Variants in GZF1 observed in about 807,000 individuals in gnomAD.
The protein encoded by GZF1 is GDNF-inducible zinc finger protein 1.
GZF1 carries 28 observed loss-of-function variants against 49.4 expected under a neutral mutation model. The ratio of observed to expected loss-of-function variants is 0.57; its 90% confidence interval spans 0.42 to 0.78. The LOEUF is 0.78. Among genes scored for constraint, GZF1 ranks in the 30% least tolerant of loss-of-function variants. The probability of loss-of-function intolerance (pLI) is 0.00; values close to 1 mark genes in which losing one functional copy is unlikely to be tolerated. For missense variants in GZF1, 798 were observed against 916.2 expected (o/e 0.87, Z 1.67); for synonymous variants, 364 against 356.0 (o/e 1.02, Z -0.25).
rs150596910 is a variant in GZF1 at position 23,364,931 on chromosome 20, A to G, written c.548A>G (p.Tyr183Cys). Residue 183 changes from tyrosine to cysteine, a missense_variant, in exon 2 of 6, where the codon TAC becomes TGC. Transcript: ENST00000338121. ...AGTGGTCTCACGGATTCCTTGGACTACCCAGGAGAGAGAGCCAGCAATGGC... is the reference window on the plus strand; with the variant it reads ...AGTGGTCTCACGGATTCCTTGGACTGCCCAGGAGAGAGAGCCAGCAATGGC... ...HPSGLTDSLDYPGERASNGMS... is the reference protein window; with the variant it reads ...HPSGLTDSLDCPGERASNGMS... 1.9e-6 allele frequency: 3 copies of G among 1,614,210 alleles called. No individual in the cohort carries two copies. Among genetic ancestry groups the G allele is most frequent in the Non-Finnish European group, 2.5e-6 (3 of 1,180,044 alleles).
rs1038828100 is a variant in GZF1 at position 23,371,998 on chromosome 20, A to G, written c.*1557A>G. The G allele has an allele frequency of 2.8e-4, 43 of 152,778 alleles. No individual in the cohort carries two copies. The highest frequency in any genetic ancestry group is 9.4e-4 in the African/African-American group (39 of 41,588). 9.5% of individuals were successfully genotyped at this position (152,778 alleles called of 1,614,324 possible). A position where few individuals can be genotyped will look rare whatever the true frequency, so the allele number is the denominator to read the frequency against. ...CCCTTGGAGGTCACAGTACTAATTTACTTCAAATTTAGTTATGACAGTGTC... is the reference window on the plus strand; with the variant it reads ...CCCTTGGAGGTCACAGTACTAATTTGCTTCAAATTTAGTTATGACAGTGTC... On this transcript the variant is annotated 3_prime_UTR_variant, in exon 6 of 6. Transcript: ENST00000338121.
chr20:23,368,522 C>T (rs760031204), intron 3 of GZF1, among the ~76,000 whole-genome samples: 7 of 152,200 alleles, frequency 4.6e-5, no homozygotes, highest in Non-Finnish European at 1.0e-4. Flanking sequence ...AACAATACCT[C>T]TTTGATTCTA....
rs750998851 is a variant in GZF1 at position 23,370,330 on chromosome 20, C to T, written c.2025C>T (p.Ser675=). 1.9e-5 allele frequency: 31 copies of T among 1,613,842 alleles called. No individual in the cohort carries two copies. Among genetic ancestry groups the T allele is most frequent in the South Asian group, 9.9e-5 (9 of 91,080 alleles). Reference sequence around the variant, plus strand: ...ACACAGCCTGCAAGGCAGATGACTCCGTGGTGTCCCAGGACACCCTCCTGG... The same window carrying T: ...ACACAGCCTGCAAGGCAGATGACTCTGTGGTGTCCCAGGACACCCTCCTGG... The part of the protein sequence containing the change: ...SADTACKADD[S]VVSQDTLLAT... Residue 675 remains serine (S), a synonymous_variant, in exon 6 of 6, where the codon TCC becomes TCT. Transcript: ENST00000338121.
In GZF1 at chr20:23,364,397, C is replaced by A; in HGVS notation, c.14C>A (p.Ala5Glu). Residue 5 changes from alanine (A) to glutamate (E), a missense_variant, in exon 2 of 6, where the codon GCA becomes GAA. Around this residue, in one of 3 missense-constraint regions of GZF1, gnomAD observed 105 missense variants for 147.5 expected, o/e 0.71. Transcript: ENST00000338121. MESG[A>E]VLLESKSSPF... is the part of the protein sequence containing the mutation. ...GAAGGAAGAAAGATGGAAAGCGGTG[C>A]AGTTCTGCTGGAATCCAAATCCTCC... The A allele has an allele frequency of 1.3e-6, 2 of 1,582,252 alleles. No homozygotes were observed. Among genetic ancestry groups the A allele is most frequent in the Non-Finnish European group, 1.7e-6 (2 of 1,161,506 alleles).
chr20:23,369,370 G>A (rs1981794880), intron 4 of GZF1, among the ~76,000 whole-genome samples: 1 of 152,196 alleles, frequency 6.6e-6, no homozygotes, highest in African/African-American at 2.4e-5. Flanking sequence ...GCAGGCACAT[G>A]TCCTGGCCCC....
In GZF1 at chr20:23,371,606, T is replaced by C. The variant is rs1190520353; in HGVS notation, c.*1165T>C. The C allele has an allele frequency of 6.5e-6, 1 of 152,682 alleles. No individual in the cohort carries two copies. The highest frequency in any genetic ancestry group is 1.9e-4 in the East Asian group (1 of 5,200). The allele number at this position is 152,682 out of a possible 1,614,324, so 9.5% of individuals were successfully genotyped here. ...AATTATTGCTTTTAAAAATTCACAA[T>C]GAAAAGACGATTCTGCTGTATTTGT... is the stretch of plus-strand genomic sequence containing the variant. On this transcript the variant is annotated 3_prime_UTR_variant, in exon 6 of 6. Transcript: ENST00000338121.
In GZF1 at chr20:23,369,741, A is replaced by G; in HGVS notation, c.1785A>G (p.Ser595=). Residue 595 remains serine, a splice_region_variant and synonymous_variant, in exon 5 of 6, where the codon TCA becomes TCG. Coordinates refer to ENST00000338121, the MANE Select transcript of GZF1 (RefSeq NM_022482.5). ...AGTCCACTCTTCGGCGGCACACCTC[A>G]GTAAGCAGTGGGTTGGCTTATTTGA... ...TDKSTLRRHT[S]IHDKNTPWKS... The G allele has an allele frequency of 6.2e-7, 1 of 1,608,138 alleles. No homozygotes were observed.
rs1981228965 is a variant in GZF1 at position 23,365,518 on chromosome 20, T to C, written c.1135T>C (p.Cys379Arg). Residue 379 changes from cysteine (C) to arginine (R), a missense_variant, in exon 2 of 6, where the codon TGC (cysteine) becomes CGC (arginine). By Grantham distance (180) the Cys-to-Arg change is radical. This residue lies in a region of GZF1 where 446 missense variants were observed against 540.1 expected (regional missense o/e 0.83). Transcript: ENST00000338121. ...GCACAGCAGCGAGCGCCATTTCCCA[T>C]GCGAGCTGTGCGGGAAGAAGTTCAA... ...HVHSSERHFP[C>R]ELCGKKFKRK... 1.2e-6 allele frequency: 2 copies of C among 1,613,526 alleles called. No homozygotes were observed. Among genetic ancestry groups the C allele is most frequent in the African/African-American group, 1.3e-5 (1 of 74,928 alleles).
rs6076061 is a variant in GZF1 at position 23,369,817 on chromosome 20, T to C, written c.1785+76T>C. The C allele has an allele frequency of 0.024, 35,493 of 1,472,364 alleles. 928 individuals are homozygous for C. Among genetic ancestry groups the C allele is most frequent in the East Asian group, 0.086 (3,727 of 43,578 alleles). The allele number at this position is 1,472,364 out of a possible 1,614,324, so 91.2% of individuals were successfully genotyped here. The stretch of plus-strand genomic sequence containing the variant: ...ACGGAAAGAGAAATACCTACCACCA[T>C]TCTCCAAGGTGGTTAGAGGTCGAGA... On this transcript the variant is annotated intron_variant, in intron 5 of 5. Transcript: ENST00000338121.
At chr20:23,361,706 G>T (rs1042049000), upstream of GZF1, among the ~76,000 whole-genome samples, 1 of 152,198 alleles carries the variant, frequency 6.6e-6, no homozygotes, top group African/African-American at 2.4e-5. Flanking sequence ...GGTCCCTCGC[G>T]TGGCCACCGT....
In GZF1 at chr20:23,365,579, T is replaced by C; in HGVS notation, c.1196T>C (p.Val399Ala). The change falls in exon 2 of 6, where the codon GTG becomes GCG. Residue 399 changes from valine to alanine, a missense_variant. Val to Ala is a moderately conservative substitution (Grantham distance 64, BLOSUM62 0). Transcript: ENST00000338121. Reference protein sequence around the residue: ...KKDVKRHVLQVHEGGGERHRC... With the variant: ...KKDVKRHVLQAHEGGGERHRC... Reference sequence around the variant, plus strand: ...GACGTGAAGCGGCACGTGCTGCAGGTGCATGAGGGCGGCGGCGAGCGGCAC... The same window carrying C: ...GACGTGAAGCGGCACGTGCTGCAGGCGCATGAGGGCGGCGGCGAGCGGCAC... 8 of 1,611,274 alleles carry C rather than the reference T, an allele frequency of 5.0e-6. No individual in the cohort carries two copies. Among genetic ancestry groups the C allele is most frequent in the Non-Finnish European group, 6.8e-6 (8 of 1,179,600 alleles).
In GZF1 at chr20:23,365,358, G is replaced by T. The variant is rs748022575; in HGVS notation, c.975G>T (p.Ala325=). 1.2e-6 allele frequency: 2 copies of T among 1,612,606 alleles called. No individual in the cohort carries two copies. The highest frequency in any genetic ancestry group is 1.1e-5 in the South Asian group (1 of 91,010). The change falls in exon 2 of 6, where the codon GCG becomes GCT. Residue 325 remains alanine, a synonymous_variant. Coordinates refer to ENST00000338121, the MANE Select transcript of GZF1 (RefSeq NM_022482.5). The part of the protein sequence containing the change: ...SNFKCSICEK[A]FLYEKSFLKH... ...TTAAGTGCAGCATTTGCGAGAAGGC[G>T]TTTCTGTATGAGAAGAGCTTCCTGA...
upstream of GZF1, among the ~76,000 whole-genome samples, chr20:23,361,131 ACCTT>A (rs1423309069): frequency 6.6e-6 from 1 of 152,240 alleles, no homozygotes. Context: ...GAAGTAGTAA[ACCTT>A]ATTTTAAATT....
Position 23,370,626 on chromosome 20 carries a change from A to G in GZF1, c.*185A>G, listed in dbSNP as rs551258477. The G allele has an allele frequency of 2.6e-5, 15 of 587,160 alleles. 1 individual carries two copies. In the East Asian group the frequency reaches 4.3e-4, roughly 17 times the overall value. 36.4% of individuals were successfully genotyped at this position (587,160 alleles called of 1,614,324 possible). A position where few individuals can be genotyped will look rare whatever the true frequency, so the allele number is the denominator to read the frequency against. ...AGCATTTTTAAAGCTTTCCCTCAAA[A>G]ATCCTGATCTGCATGATCTCAGCTA... is the stretch of plus-strand genomic sequence containing the variant. On this transcript the variant is annotated 3_prime_UTR_variant, in exon 6 of 6. Coordinates refer to ENST00000338121, the MANE Select transcript of GZF1 (RefSeq NM_022482.5).
At position 23,371,976 on chromosome 20, in the gene GZF1, T is replaced by A. The variant is rs1042813554; in HGVS notation, c.*1535T>A. ...CTGATAACATGCTTCACACCTGCCC[T>A]TGGAGGTCACAGTACTAATTTACTT... On this transcript the variant is annotated 3_prime_UTR_variant, in exon 6 of 6. Transcript: ENST00000338121. The A allele has an allele frequency of 1.3e-5, 2 of 152,670 alleles. No individual in the cohort carries two copies. Among genetic ancestry groups the A allele is most frequent in the Non-Finnish European group, 2.9e-5 (2 of 68,038 alleles). 9.5% of individuals were successfully genotyped at this position (152,670 alleles called of 1,614,324 possible). A position where few individuals can be genotyped will look rare whatever the true frequency, so the allele number is the denominator to read the frequency against.
chr20:23,362,430 G>A (rs1266546673), intron 1 of GZF1, 193 bp downstream of exon 1: 1 of 152,400 alleles, frequency 6.6e-6, no homozygotes, highest in African/African-American at 2.4e-5. Flanking sequence ...GCCGAGGAGG[G>A]GCTTCTCTGT....
In GZF1 at chr20:23,372,758, ACAGTGCCTCTCC is replaced by A. The variant is rs1311563174; in HGVS notation, c.*2321_*2332del. ...ATGAGGAAAGTGGCCAGGTGCCGGC[ACAGTGCCTCTCC>A]CAGAGCCTCAAGAAGGGCCATTTAG... On this transcript the variant is annotated 3_prime_UTR_variant, in exon 6 of 6. Transcript: ENST00000338121. 6.6e-6 allele frequency: 1 copy of A among 152,264 alleles called. No homozygotes were observed. Among genetic ancestry groups the A allele is most frequent in the African/African-American group, 2.4e-5 (1 of 41,444 alleles). 9.4% of individuals were successfully genotyped at this position (152,264 alleles called of 1,614,324 possible).
In GZF1 at chr20:23,370,224, C is replaced by A. The variant is rs1397783944; in HGVS notation, c.1919C>A (p.Ser640Tyr). ...TCCAAGCTTTCGGATAAATTGCTGT[C>A]TTTTGCAGAAAATGGCCATTTCCAC... Reference protein sequence around the residue: ...VSSKLSDKLLSFAENGHFHNL... With the variant: ...VSSKLSDKLLYFAENGHFHNL... The change falls in exon 6 of 6, where the codon TCT becomes TAT. Residue 640 changes from serine to tyrosine, a missense_variant. Transcript: ENST00000338121. 1.9e-6 allele frequency: 3 copies of A among 1,614,088 alleles called. No individual in the cohort carries two copies. In the East Asian group the frequency reaches 6.7e-5, roughly 36 times the overall value.
At chr20:23,368,677 C>T (rs755703896) in intron 3 of GZF1, 85 bp from the exon 4 acceptor site, 8 of 944,404 alleles carry the variant, frequency 8.5e-6, no homozygotes, top group South Asian at 3.2e-5. Flanking sequence ...TTTGAGTTCA[C>T]GTGGGTTTTA....
Sources: allele counts gnomAD v4.1 joint callset (sites outside exome capture counted in the v4.1 genomes callset), GRCh38; gene constraint gnomAD v4.1.1; regional missense constraint gnomAD v4.1.1; transcripts MANE v1.5; gene names NCBI Gene and HGNC (gene_info 2026-07-23, HGNC 2026-07-21).